PAK3: variants seen among roughly 807,000 people sequenced by gnomAD.
PAK3 encodes serine/threonine-protein kinase PAK 3.
A neutral mutation model predicts 41.0 loss-of-function variants in PAK3; 4 were observed. The ratio of observed to expected loss-of-function variants is 0.10; its 90% CI spans 0.05 to 0.22. The LOEUF is 0.22. Among genes scored for constraint, PAK3 ranks in the 10% least tolerant of loss-of-function variants. The pLI, the probability that PAK3 is intolerant of heterozygous loss-of-function variation, is 1.00. For missense variants in PAK3, 205 were observed against 409.9 expected, an observed-to-expected ratio of 0.50 and a Z score of 4.32; for synonymous variants, 146 against 139.6, an observed-to-expected ratio of 1.05 and a Z score of -0.32.
intron 1 of PAK3, among the ~76,000 whole-genome samples, chrX:111,012,942 C>T (rs1376505505): frequency 9.0e-6 from 1 of 111,486 alleles, no homozygotes; most frequent in African/African-American, 3.3e-5. Flanking sequence ...TGTCACAGCA[C>T]CCGGCTTATT....
At chrX:111,030,225 A>T (rs2092324564) in intron 1 of PAK3, among the ~76,000 whole-genome samples, 1 of 110,403 alleles carries the variant, frequency 9.1e-6, no homozygotes, top group Admixed American at 9.7e-5. Flanking sequence ...GTTTTTTTTT[A>T]AATATTTCTA....
intron 1 of PAK3, among the ~76,000 whole-genome samples, chrX:111,088,233 C>A (rs1439587995): frequency 2.7e-5 from 3 of 111,474 alleles, no homozygotes; most frequent in African/African-American, 9.8e-5. Context: ...TTAACCTTCC[C>A]AATTACCCTA....
chrX:111,188,769 G>GAAATAGGAA (rs2149305772), intron 11 of PAK3, among the ~76,000 whole-genome samples: 1 of 112,075 alleles, frequency 8.9e-6, no homozygotes, highest in South Asian at 3.7e-4. Flanking sequence ...CATAGATTGT[G>GAAATAGGAA]CCATGCACAA....
rs2094855124 is a variant in PAK3, at chrX:111,214,457, G to T, written c.1408-1964G>T. 1.8e-5 allele frequency among the ~76,000 whole-genome samples: 2 copies of T among 111,820 alleles called. 1 individual carries two copies. The highest frequency in any genetic ancestry group is 3.8e-5 in the Non-Finnish European group (2 of 53,212). On this transcript the variant is annotated intron_variant, in intron 16 of 17. Coordinates refer to ENST00000372007, the MANE Select transcript of PAK3 (RefSeq NM_002578.5). ...GTGATTCTAATGTTCAGACAAGTCT[G>T]GGACTCTCTAGTTTAGCCCATTGCT...
At chrX:111,025,849 A>T (rs1034884732) in intron 1 of PAK3, among the ~76,000 whole-genome samples, 1 of 110,409 alleles carries the variant, frequency 9.1e-6, no homozygotes, top group Non-Finnish European at 1.9e-5. Context: ...CAAAAAAAAA[A>T]AAAAGAAAAC....
intron 6 of PAK3, chrX:111,146,510 G>A (rs764291647): frequency 4.3e-5 from 47 of 1,099,175 alleles, no homozygotes; most frequent in Non-Finnish European, 5.6e-5. Context: ...CTTTATTTAC[G>A]TCCATTACAG....
chrX:110,977,641 T>C (rs1413950750), intron 1 of PAK3, among the ~76,000 whole-genome samples: 1 of 112,128 alleles, frequency 8.9e-6, no homozygotes, highest in Non-Finnish European at 1.9e-5. Context: ...TATTCCTAAA[T>C]ATTTTATTTT....
intron 16 of PAK3, among the ~76,000 whole-genome samples, chrX:111,203,056 C>T (rs1263636675): frequency 9.0e-6 from 1 of 111,131 alleles, no homozygotes; most frequent in African/African-American, 3.3e-5. Context: ...GCTTTAAGAA[C>T]CAGCGATTCT....
intron 1 of PAK3, among the ~76,000 whole-genome samples, chrX:111,050,610 A>T (rs944414871): frequency 2.7e-5 from 3 of 112,177 alleles, no homozygotes; most frequent in African/African-American, 9.7e-5. Context: ...CTGAGTTAGT[A>T]GTAGAACTGG....
At chrX:111,120,275 A>G (rs762912880) in intron 4 of PAK3, among the ~76,000 whole-genome samples, 4 of 112,045 alleles carry the variant, frequency 3.6e-5, no homozygotes, top group Non-Finnish European at 7.5e-5. Context: ...ATTTTTGGTC[A>G]GGGATTTTTA....
chrX:110,994,304 C>T (rs191242966), intron 1 of PAK3, among the ~76,000 whole-genome samples: 6 of 111,900 alleles, frequency 5.4e-5, no homozygotes, highest in African/African-American at 1.9e-4. Context: ...CAAATTACTA[C>T]TCATCATGGT....
chrX:111,153,133 A>G (rs1047535434), intron 8 of PAK3, among the ~76,000 whole-genome samples: 3 of 112,245 alleles, frequency 2.7e-5, no homozygotes, highest in African/African-American at 9.7e-5. Flanking sequence ...GTGTACACTT[A>G]TAATATAAAC....
intron 11 of PAK3, among the ~76,000 whole-genome samples, chrX:111,188,067 G>A (rs1421754255): frequency 9.2e-6 from 1 of 108,770 alleles, no homozygotes; most frequent in African/African-American, 3.3e-5. Flanking sequence ...AGAGTTTCAG[G>A]ATATTTAAAC....
chrX:111,092,326 T>C (rs1456193481), upstream of PAK3, among the ~76,000 whole-genome samples: 1 of 112,119 alleles, frequency 8.9e-6, no homozygotes, highest in African/African-American at 3.2e-5. Context: ...CATATACACA[T>C]ACCCACATGT....
At chrX:111,158,136 A>T (rs1483329670) in intron 8 of PAK3, among the ~76,000 whole-genome samples, 2 of 111,695 alleles carry the variant, frequency 1.8e-5, no homozygotes, top group Admixed American at 9.5e-5. Flanking sequence ...TAGGGCTTAG[A>T]CTGTTTGATT....
At chrX:111,029,997 T>A (rs929063587) in intron 1 of PAK3, among the ~76,000 whole-genome samples, 16 of 112,064 alleles carry the variant, frequency 1.4e-4, no homozygotes, top group Non-Finnish European at 1.9e-5. Context: ...CAGTACAGTG[T>A]GTACTACAAT....
intron 10 of PAK3, among the ~76,000 whole-genome samples, chrX:111,172,264 C>T (rs1205103466): frequency 6.3e-5 from 7 of 111,959 alleles, no homozygotes. Context: ...TTTAGCCATT[C>T]TGATCGGTCT....
intron 11 of PAK3, 111 bp from the exon 12 acceptor site, chrX:111,192,016 A>G (rs2094564975): frequency 1.2e-5 from 6 of 506,812 alleles, no homozygotes; most frequent in Non-Finnish European, 2.1e-5. Context: ...TTACCTCATA[A>G]TTTTGAGTTT....
At chrX:111,209,344 T>C (rs893730356) in intron 16 of PAK3, among the ~76,000 whole-genome samples, 1 of 112,253 alleles carries the variant, frequency 8.9e-6, no homozygotes, top group African/African-American at 3.2e-5. Context: ...AAAATAGAAC[T>C]TATTATAAAC....
Sources: gnomAD v4.1 joint callset for allele counts (sites outside exome capture counted in the v4.1 genomes callset) on GRCh38, gnomAD v4.1.1 for gene constraint, MANE v1.5 for transcripts, NCBI Gene and HGNC (gene_info 2026-07-23, HGNC 2026-07-21) for gene names.